TCF7L1: variants seen among roughly 807,000 people sequenced by gnomAD.
TCF7L1 encodes the protein transcription factor 7-like 1.
In TCF7L1, 18 loss-of-function variants were observed where a neutral mutation model predicts 63.7. The ratio of observed to expected loss-of-function variants is 0.28; its 90% CI spans 0.20 to 0.42. The LOEUF (loss-of-function observed/expected upper bound fraction) is 0.42, where lower values mean the gene tolerates loss of function less well. Among genes scored for constraint, TCF7L1 ranks in the 10% least tolerant of loss-of-function variants. The probability of loss-of-function intolerance (pLI) is 1.00; values close to 1 mark genes in which losing one functional copy is unlikely to be tolerated. For missense variants in TCF7L1, 654 were observed against 779.3 expected, an observed-to-expected ratio of 0.84 and a Z score of 1.91; for synonymous variants, 355 against 340.9, an observed-to-expected ratio of 1.04 and a Z score of -0.46.
In TCF7L1 at chr2:85,306,125, C is replaced by T; in HGVS notation, c.990-81C>T. 1.3e-6 allele frequency: 2 copies of T among 1,567,768 alleles called. No homozygotes were observed. Among genetic ancestry groups the T allele is most frequent in the Non-Finnish European group, 1.7e-6 (2 of 1,147,006 alleles). Reference sequence around the variant, plus strand: ...GCCCGCGCCCCTCCCCAGAGACAATCAGCGGTGTTTCAGTGACAGGTGGGG... The same window carrying T: ...GCCCGCGCCCCTCCCCAGAGACAATTAGCGGTGTTTCAGTGACAGGTGGGG... On this transcript the variant is annotated intron_variant, in intron 8 of 11. Coordinates refer to ENST00000282111, the MANE Select transcript of TCF7L1 (RefSeq NM_031283.3). This position sits in a 1 kb window ranked among gnomAD's most constrained non-coding sequence, Gnocchi z 4.3.
intron 4 of TCF7L1, among the ~76,000 whole-genome samples, chr2:85,295,088 A>G (rs1681811065): frequency 6.6e-6 from 1 of 152,130 alleles, no homozygotes; most frequent in Non-Finnish European, 1.5e-5. Context: ...TTACCAGTAT[A>G]CCTGTGTAGA....
chr2:85,309,586 G>C lies in TCF7L1; in HGVS notation c.*124G>C, dbSNP rs1682226504. ...TCTGGACTGTTCTGTAAAGTGGCTG[G>C]TAACAACAGCACTTTACAGTTTGTA... On this transcript the variant is annotated 3_prime_UTR_variant, in exon 12 of 12. Transcript: ENST00000282111. 1.1e-6 allele frequency: 1 copy of C among 946,098 alleles called. No individual in the cohort carries two copies. Among genetic ancestry groups the C allele is most frequent in the African/African-American group, 1.7e-5 (1 of 59,962 alleles). The allele number at this position is 946,098 out of a possible 1,614,324, so 58.6% of individuals were successfully genotyped here. A position where few individuals can be genotyped will look rare whatever the true frequency, so the allele number is the denominator to read the frequency against.
chr2:85,229,954 G>C (rs971440344), intron 3 of TCF7L1, among the ~76,000 whole-genome samples: 2 of 152,322 alleles, frequency 1.3e-5, no homozygotes, highest in Non-Finnish European at 2.9e-5. Context: ...GCTGCAATGA[G>C]CTGAGATAGT....
At chr2:85,215,785 G>A (rs1460330680) in intron 3 of TCF7L1, among the ~76,000 whole-genome samples, 10 of 138,322 alleles carry the variant, frequency 7.2e-5, no homozygotes, top group African/African-American at 2.7e-4. Flanking sequence ...GGTGAGGGGG[G>A]TGGTGAGGTT....
At chr2:85,182,355 TG>T (rs1678824668) in intron 3 of TCF7L1, among the ~76,000 whole-genome samples, 1 of 152,056 alleles carries the variant, frequency 6.6e-6, no homozygotes, top group South Asian at 2.1e-4. Context: ...GAGAAGCAGG[TG>T]GGTGCTGGCC....
intron 3 of TCF7L1, among the ~76,000 whole-genome samples, chr2:85,177,743 C>G (rs1355160312): frequency 6.6e-6 from 1 of 152,084 alleles, no homozygotes; most frequent in African/African-American, 2.4e-5. Flanking sequence ...AGGGAAAAGA[C>G]GATTATAATC....
At chr2:85,151,076 T>C (rs1170509832) in intron 3 of TCF7L1, among the ~76,000 whole-genome samples, 2 of 152,162 alleles carry the variant, frequency 1.3e-5, no homozygotes, top group Admixed American at 1.3e-4. Flanking sequence ...AAATAACAGG[T>C]TTATTTTCTC....
chr2:85,161,575 T>C (rs1022115732), intron 3 of TCF7L1, among the ~76,000 whole-genome samples: 30 of 152,328 alleles, frequency 2.0e-4, no homozygotes, highest in African/African-American at 7.0e-4. Context: ...TGGCAGAGGA[T>C]GAACTCACCC....
chr2:85,135,582 G>T (rs1209828883), intron 3 of TCF7L1, among the ~76,000 whole-genome samples: 5 of 152,050 alleles, frequency 3.3e-5, no homozygotes, highest in Non-Finnish European at 7.4e-5. Flanking sequence ...CTAGAGAAAG[G>T]CTAGGTGCTG....
chr2:85,250,476 G>T (rs868552093), intron 3 of TCF7L1, among the ~76,000 whole-genome samples: 6 of 151,530 alleles, frequency 4.0e-5, no homozygotes, highest in Admixed American at 3.3e-4. Flanking sequence ...TCGCTCTGTC[G>T]CCCAGGCTGG....
chr2:85,142,530 G>A (rs1487372500), intron 3 of TCF7L1, among the ~76,000 whole-genome samples: 1 of 151,276 alleles, frequency 6.6e-6, no homozygotes, highest in Non-Finnish European at 1.5e-5. Context: ...CAATTTGTGT[G>A]TAGCTAGGGG....
At chr2:85,261,267 C>G (rs1233277457) in intron 3 of TCF7L1, among the ~76,000 whole-genome samples, 1 of 151,840 alleles carries the variant, frequency 6.6e-6, no homozygotes, top group Non-Finnish European at 1.5e-5. Context: ...ACTATAATAA[C>G]AAGGCCCGTA....
intron 3 of TCF7L1, among the ~76,000 whole-genome samples, chr2:85,271,486 TAA>T (rs1390900591): frequency 6.6e-6 from 1 of 152,226 alleles, no homozygotes; most frequent in East Asian, 1.9e-4. Context: ...TCAAATCAGA[TAA>T]TTCATATGGA....
intron 3 of TCF7L1, among the ~76,000 whole-genome samples, chr2:85,159,330 C>T (rs1678227430): frequency 1.3e-5 from 2 of 152,144 alleles, no homozygotes; most frequent in South Asian, 4.1e-4. Flanking sequence ...CTTCGGGAAC[C>T]TGGTCTCCTG....
chr2:85,178,078 C>T (rs1346495315), intron 3 of TCF7L1, among the ~76,000 whole-genome samples: 1 of 152,054 alleles, frequency 6.6e-6, no homozygotes, highest in Non-Finnish European at 1.5e-5. Context: ...TGAGAAAAAG[C>T]AGGGACCTTG....
At chr2:85,282,487 G>A (rs182291629) in intron 3 of TCF7L1, among the ~76,000 whole-genome samples, 22 of 152,332 alleles carry the variant, frequency 1.4e-4, no homozygotes, top group Admixed American at 5.9e-4. Context: ...AATAATAGGC[G>A]TCATTTATCA....
intron 3 of TCF7L1, among the ~76,000 whole-genome samples, chr2:85,142,362 G>A (rs1558614193): frequency 1.3e-5 from 2 of 151,448 alleles, no homozygotes; most frequent in Non-Finnish European, 2.9e-5. Context: ...AGGTTGTAGT[G>A]AGCCATGATC....
chr2:85,305,785 C>T (rs1682092787), intron 8 of TCF7L1, among the ~76,000 whole-genome samples: 2 of 152,154 alleles, frequency 1.3e-5, no homozygotes, highest in Admixed American at 1.3e-4. Flanking sequence ...CACCAGGGTC[C>T]TTACCTTGCC....
intron 3 of TCF7L1, among the ~76,000 whole-genome samples, chr2:85,176,805 G>A (rs1678686672): frequency 6.6e-6 from 1 of 151,966 alleles, no homozygotes; most frequent in Non-Finnish European, 1.5e-5. Flanking sequence ...TGGCCAACAT[G>A]GTGAAACCTT....
Sources: allele counts gnomAD v4.1 joint callset (sites outside exome capture counted in the v4.1 genomes callset), GRCh38; gene constraint gnomAD v4.1.1; non-coding constraint Gnocchi (gnomAD v3.1); transcripts MANE v1.5; gene names NCBI Gene and HGNC (gene_info 2026-07-23, HGNC 2026-07-21).